Variants in NCKAP5L observed in about 807,000 individuals in gnomAD.
The protein encoded by NCKAP5L is nck-associated protein 5-like.
A neutral mutation model predicts 103.2 loss-of-function variants in NCKAP5L; 54 were observed. That is an observed-to-expected ratio of 0.52 (90% CI 0.42 to 0.66). NCKAP5L has a LOEUF of 0.66. NCKAP5L is among the 30% of genes least tolerant of loss of function. The pLI, the probability that NCKAP5L is intolerant of heterozygous loss-of-function variation, is 0.00. For missense variants in NCKAP5L, 1,733 were observed against 1,750.6 expected, an observed-to-expected ratio of 0.99 and a Z score of 0.18; for synonymous variants, 762 against 748.6, an observed-to-expected ratio of 1.02 and a Z score of -0.29.
chr12:49,796,543 A>C lies in NCKAP5L; in HGVS notation c.1317T>G (p.Pro439=), dbSNP rs1946048470. The C allele has an allele frequency of 5.0e-6, 8 of 1,586,946 alleles. 1 individual carries two copies. Among genetic ancestry groups the C allele is most frequent in the Non-Finnish European group, 5.1e-6 (6 of 1,168,592 alleles). The change falls in exon 8 of 13, where the codon CCT becomes CCG. Residue 439 remains proline (P), a synonymous_variant. Transcript: ENST00000335999. The part of the protein sequence containing the change: ...QVKSKLQIGP[P]SPGEAQGPLL... Reference sequence around the variant, plus strand: ...GGGGTCCCTGAGCTTCCCCAGGAGAAGGGGGGCCAATTTGGAGCTTGCTTT... The same window carrying C: ...GGGGTCCCTGAGCTTCCCCAGGAGACGGGGGGCCAATTTGGAGCTTGCTTT...
At chr12:49,822,944 C>T (rs1304360598) in intron 1 of NCKAP5L, among the ~76,000 whole-genome samples, 1 of 152,204 alleles carries the variant, frequency 6.6e-6, no homozygotes, top group Non-Finnish European at 1.5e-5. Flanking sequence ...TTCCAAAGCT[C>T]CTCCCAGCTG....
chr12:49,795,278 G>A lies in NCKAP5L; in HGVS notation c.2582C>T (p.Thr861Ile). 2.0e-6 allele frequency: 3 copies of A among 1,536,250 alleles called. No homozygotes were observed. Among genetic ancestry groups the A allele is most frequent in the Admixed American group, 4.2e-5 (2 of 47,680 alleles). Residue 861 changes from threonine (T) to isoleucine (I), a missense_variant, in exon 8 of 13, where the codon ACA becomes ATA. Physicochemically the swap from Thr to Ile is moderately conservative, Grantham distance 89. Coordinates refer to ENST00000335999, the MANE Select transcript of NCKAP5L (RefSeq NM_001037806.4). ...GTCAGTGGGGCCAGGTACTAGGGGT[G>A]TGGACTGGGCCGTGGTACTACCACA... The part of the protein sequence containing the change: ...ADCGSTTAQS[T>I]PLVPGPTDPS...
At position 49,796,166 on chromosome 12, in the gene NCKAP5L, C is replaced by T; in HGVS notation, c.1694G>A (p.Ser565Asn). Residue 565 changes from serine (S) to asparagine (N), a missense_variant, in exon 8 of 13, where the codon AGC (serine) becomes AAC (asparagine). Coordinates refer to ENST00000335999, the MANE Select transcript of NCKAP5L (RefSeq NM_001037806.4). ...CYENILDLSR[S>N]TFRGPSPEPP... ...CTCTGGGGAAGGCCCCCTAAAGGTG[C>T]TCCGAGAAAGGTCCAGAATGTTCTC... 3 of 1,610,308 alleles carry T rather than the reference C, an allele frequency of 1.9e-6. No individual in the cohort carries two copies. Among genetic ancestry groups the T allele is most frequent in the Non-Finnish European group, 2.5e-6 (3 of 1,178,524 alleles).
At chr12:49,803,868 G>A (rs1459468118) in intron 3 of NCKAP5L, 54 bp downstream of exon 3, 2 of 1,570,852 alleles carry the variant, frequency 1.3e-6, no homozygotes, top group Non-Finnish European at 1.7e-6. Flanking sequence ...GGGCAGCCCT[G>A]CCTCCCCAGG....
chr12:49,798,523 C>G, intron 6 of NCKAP5L, 60 bp from the exon 7 acceptor site: 3 of 1,396,190 alleles, frequency 2.1e-6, no homozygotes, highest in Admixed American at 4.1e-5. Context: ...CCTACTCCCT[C>G]GCAAAGCCAG....
chr12:49,805,010 C>T (rs897308920), intron 2 of NCKAP5L: 6 of 152,306 alleles, frequency 3.9e-5, no homozygotes, highest in Non-Finnish European at 5.9e-5. Flanking sequence ...TAGCTCCAGC[C>T]TCACTAGGCA....
At chr12:49,800,729 G>A (rs1413223680) in intron 6 of NCKAP5L, among the ~76,000 whole-genome samples, 1 of 152,248 alleles carries the variant, frequency 6.6e-6, no homozygotes, top group Admixed American at 6.5e-5. Context: ...CCGAGGCCAA[G>A]CTTCGTGCTC....
Position 49,792,766 on chromosome 12 carries a change from C to CAGCAGCTCCTCTATGCCT in NCKAP5L, c.3543_3560dup (p.Gly1182_Leu1187dup). 1 of 1,609,176 alleles carries CAGCAGCTCCTCTATGCCT rather than the reference C, an allele frequency of 6.2e-7. No individual in the cohort carries two copies. The highest frequency in any genetic ancestry group is 8.5e-7 in the Non-Finnish European group (1 of 1,178,846). ...GCATGCTGGGGTGCCGCCCACTCAC[C>CAGCAGCTCCTCTATGCCT]AGCAGCTCCTCTATGCCTGGCACCT... is the stretch of plus-strand genomic sequence containing the variant. On this transcript the variant is annotated inframe_insertion, in exon 11 of 13. Transcript: ENST00000335999. This position sits in a 1 kb window ranked among gnomAD's most constrained non-coding sequence, Gnocchi z 4.5.
intron 1 of NCKAP5L, among the ~76,000 whole-genome samples, chr12:49,815,259 G>A (rs1347340156): frequency 2.6e-5 from 4 of 152,120 alleles, no homozygotes; most frequent in Non-Finnish European, 4.4e-5. Context: ...GATCTTGCTT[G>A]TAGCAATTAC....
intron 1 of NCKAP5L, among the ~76,000 whole-genome samples, chr12:49,812,129 CA>C (rs1221813548): frequency 2.6e-5 from 4 of 152,238 alleles, no homozygotes; most frequent in Admixed American, 2.6e-4. Context: ...GTGCAATCAT[CA>C]ACATGGTTAA....
chr12:49,797,062 C>T lies in NCKAP5L; in HGVS notation c.798G>A (p.Gly266=), dbSNP rs747285273. The stretch of plus-strand genomic sequence containing the variant: ...CCCAGGGCCGCCCAGTGTCCTCTTC[C>T]CCTCCCAGACCCCCCAAGAGGCGCT... ...HWERLLGGLG[G]EEDTGRPWGP... is the part of the protein sequence containing the mutation. Residue 266 remains glycine, a synonymous_variant, in exon 8 of 13, where the codon GGG becomes GGA. Transcript: ENST00000335999. The surrounding 1 kb of genome is among the most constrained non-coding windows in gnomAD (Gnocchi z 4.5). 6.3e-7 allele frequency: 1 copy of T among 1,575,080 alleles called. No individual in the cohort carries two copies. Among genetic ancestry groups the T allele is most frequent in the Non-Finnish European group, 8.6e-7 (1 of 1,160,960 alleles).
chr12:49,806,807 T>A lies in NCKAP5L; in HGVS notation c.-98-766A>T, dbSNP rs116383854. 7.6e-3 allele frequency among the ~76,000 whole-genome samples: 1,154 copies of A among 152,346 alleles called. 12 individuals are homozygous for A. The highest frequency in any genetic ancestry group is 0.026 in the African/African-American group (1,077 of 41,570). ...AGAAATCTGACACTAAAGAATCTCT[T>A]TTCTCTTGTTCTCACTTGTAAAACA... On this transcript the variant is annotated intron_variant, in intron 1 of 12. Transcript: ENST00000335999.
intron 1 of NCKAP5L, among the ~76,000 whole-genome samples, chr12:49,826,986 G>A (rs1444107994): frequency 6.6e-6 from 1 of 152,130 alleles, no homozygotes; most frequent in African/African-American, 2.4e-5. Flanking sequence ...GAATACACAC[G>A]GTTTCTTTGG....
In NCKAP5L at chr12:49,793,772, C is replaced by T. The variant is rs1485058176; in HGVS notation, c.3220G>A (p.Val1074Met). The T allele has an allele frequency of 1.2e-6, 2 of 1,602,066 alleles. No homozygotes were observed. The highest frequency in any genetic ancestry group is 2.2e-5 in the East Asian group (1 of 44,644). Residue 1074 changes from valine (V) to methionine (M), a missense_variant, in exon 9 of 13, where the codon GTG becomes ATG. Coordinates refer to ENST00000335999, the MANE Select transcript of NCKAP5L (RefSeq NM_001037806.4). Reference protein sequence around the residue: ...WPACGPRNGLVGPLQGCGKPP... With the variant: ...WPACGPRNGLMGPLQGCGKPP... The stretch of plus-strand genomic sequence containing the variant: ...TTTCCGCAGCCCTGAAGAGGGCCCA[C>T]CAGGCCATTCCGGGGCCCACAGGCT...
intron 6 of NCKAP5L, among the ~76,000 whole-genome samples, chr12:49,799,419 C>T (rs1248273498): frequency 1.3e-5 from 2 of 151,850 alleles, no homozygotes; most frequent in African/African-American, 2.4e-5. Context: ...AAGCAATCCT[C>T]CTGCCTCAGC....
chr12:49,796,121 T>G lies in NCKAP5L; in HGVS notation c.1739A>C (p.Gln580Pro). 4 of 1,611,008 alleles carry G rather than the reference T, an allele frequency of 2.5e-6. No individual in the cohort carries two copies. Among genetic ancestry groups the G allele is most frequent in the Non-Finnish European group, 3.4e-6 (4 of 1,178,794 alleles). ...PSPEPPPSPL[Q>P]VPTYPQLTLE... is the part of the protein sequence containing the mutation. ...AGTTAGCTGTGGGTAGGTGGGCACCTGCAGTGGGGATGGAGGTGGCTCTGG... is the reference window on the plus strand; with the variant it reads ...AGTTAGCTGTGGGTAGGTGGGCACCGGCAGTGGGGATGGAGGTGGCTCTGG... The change falls in exon 8 of 13, where the codon CAG becomes CCG. Residue 580 changes from glutamine (Q) to proline (P), a missense_variant. Transcript: ENST00000335999.
rs374137076 is a variant in NCKAP5L, at chr12:49,795,070, C to G, written c.2790G>C (p.Ala930=). ...WFGLKKSKLP[A]LNRRTEATKN... is the part of the protein sequence containing the mutation. ...TGGTGGCCTCTGTGCGGCGGTTCAGCGCTGGCAGCTTGCTCTTCTTAAGGC... is the reference window on the plus strand; with the variant it reads ...TGGTGGCCTCTGTGCGGCGGTTCAGGGCTGGCAGCTTGCTCTTCTTAAGGC... The change falls in exon 8 of 13, where the codon GCG becomes GCC. Residue 930 remains alanine (A), a synonymous_variant. Transcript: ENST00000335999. 1.2e-6 allele frequency: 2 copies of G among 1,611,590 alleles called. No homozygotes were observed. Among genetic ancestry groups the G allele is most frequent in the Non-Finnish European group, 1.7e-6 (2 of 1,179,114 alleles).
At chr12:49,794,007 C>A (rs1204595875) in intron 8 of NCKAP5L, 111 bp from the exon 9 acceptor site, 1 of 1,034,574 alleles carries the variant, frequency 9.7e-7, no homozygotes, top group Admixed American at 3.5e-5. Context: ...GCCATCCACC[C>A]CCGGGGAAGG....
chr12:49,821,100 G>A (rs1327703659), intron 1 of NCKAP5L, among the ~76,000 whole-genome samples: 1 of 152,156 alleles, frequency 6.6e-6, no homozygotes, highest in East Asian at 1.9e-4. Flanking sequence ...TGGCTTTGAT[G>A]CTGCCTTGCT....
Sources: allele counts gnomAD v4.1 joint callset (sites outside exome capture counted in the v4.1 genomes callset), GRCh38; gene constraint gnomAD v4.1.1; non-coding constraint Gnocchi (gnomAD v3.1); transcripts MANE v1.5; gene names NCBI Gene and HGNC (gene_info 2026-07-23, HGNC 2026-07-21).